KCNMB2: variants seen among roughly 807,000 people sequenced by gnomAD.
The protein encoded by KCNMB2 is calcium-activated potassium channel subunit beta-2.
A neutral mutation model predicts 24.5 loss-of-function variants in KCNMB2; 9 were observed. The ratio of observed to expected loss-of-function variants is 0.37; its 90% CI spans 0.22 to 0.64. The LOEUF is 0.64. Among genes scored for constraint, KCNMB2 ranks in the 30% least tolerant of loss-of-function variants. The pLI, the probability that KCNMB2 is intolerant of heterozygous loss-of-function variation, is 0.63. For synonymous variants in KCNMB2, 109 were observed against 104.4 expected, an observed-to-expected ratio of 1.04 and a Z score of -0.27; for missense variants, 226 against 284.3, an observed-to-expected ratio of 0.79 and a Z score of 1.47.
At chr3:178,665,638 T>C (rs1720691543) in intron 1 of KCNMB2, among the ~76,000 whole-genome samples, 1 of 152,164 alleles carries the variant, frequency 6.6e-6, no homozygotes, top group African/African-American at 2.4e-5. Flanking sequence ...TATTATAATC[T>C]GACATATGAG....
intron 1 of KCNMB2, among the ~76,000 whole-genome samples, chr3:178,622,298 A>C (rs1718951942): frequency 6.6e-6 from 1 of 152,206 alleles, no homozygotes; most frequent in Non-Finnish European, 1.5e-5. Flanking sequence ...TGAATTAATG[A>C]ATGGACAAAT....
chr3:178,754,163 T>TAGATAG (rs1553773731), intron 1 of KCNMB2, among the ~76,000 whole-genome samples: 21 of 102,356 alleles, frequency 2.1e-4, no homozygotes, highest in Non-Finnish European at 3.3e-4. Context: ...TATATATATA[T>TAGATAG]ATATATATAT....
At chr3:178,656,794 A>G (rs1243869650) in intron 1 of KCNMB2, among the ~76,000 whole-genome samples, 4 of 152,012 alleles carry the variant, frequency 2.6e-5, no homozygotes, top group Non-Finnish European at 2.9e-5. Flanking sequence ...AAATAAAGGA[A>G]TGCTGTACTC....
At chr3:178,732,835 C>T (rs1015826486) in intron 1 of KCNMB2, among the ~76,000 whole-genome samples, 4 of 152,150 alleles carry the variant, frequency 2.6e-5, no homozygotes, top group Non-Finnish European at 5.9e-5. Context: ...GTTTAGTACT[C>T]GCTGGCTCAG....
intron 4 of KCNMB2, among the ~76,000 whole-genome samples, chr3:178,836,274 T>C (rs943776402): frequency 2.2e-4 from 33 of 152,194 alleles, no homozygotes; most frequent in African/African-American, 7.7e-4. Context: ...CTGTCCATCA[T>C]GACAATAAAA....
chr3:178,761,970 G>GGAA (rs1480152864), intron 1 of KCNMB2, among the ~76,000 whole-genome samples: 24 of 152,130 alleles, frequency 1.6e-4, no homozygotes, highest in African/African-American at 5.8e-4. Flanking sequence ...AGGAAATCAA[G>GGAA]ACCATCCTGG....
chr3:178,702,827 C>T (rs1262658870), intron 1 of KCNMB2, among the ~76,000 whole-genome samples: 1 of 152,186 alleles, frequency 6.6e-6, no homozygotes, highest in African/African-American at 2.4e-5. Flanking sequence ...CTAAAAGCAT[C>T]TAGTCCCACT....
At chr3:178,622,582 G>A (rs1718961972) in intron 1 of KCNMB2, among the ~76,000 whole-genome samples, 1 of 152,220 alleles carries the variant, frequency 6.6e-6, no homozygotes, top group South Asian at 2.1e-4. Flanking sequence ...ACCCAGATGA[G>A]AGTCACCACA....
chr3:178,640,714 A>G (rs1719693767), intron 1 of KCNMB2, among the ~76,000 whole-genome samples: 1 of 152,160 alleles, frequency 6.6e-6, no homozygotes, highest in Non-Finnish European at 1.5e-5. Flanking sequence ...AGTTCAACTT[A>G]TTGGTTTTTC....
At chr3:178,749,545 AATCT>A (rs1353574451) in intron 1 of KCNMB2, among the ~76,000 whole-genome samples, 1 of 152,260 alleles carries the variant, frequency 6.6e-6, no homozygotes, top group Admixed American at 6.5e-5. Flanking sequence ...GAGAAAATTT[AATCT>A]AGATACTGTT....
intron 1 of KCNMB2, among the ~76,000 whole-genome samples, chr3:178,733,935 T>C (rs1342785797): frequency 6.6e-6 from 1 of 151,890 alleles, no homozygotes; most frequent in African/African-American, 2.4e-5. Flanking sequence ...GTGGAGGAGG[T>C]GAAAAGTGAT....
intron 1 of KCNMB2, among the ~76,000 whole-genome samples, chr3:178,706,056 G>A (rs1722267850): frequency 6.6e-6 from 1 of 152,214 alleles, no homozygotes; most frequent in East Asian, 1.9e-4. Flanking sequence ...ATTTTGTCTT[G>A]TCGGAGCTCA....
In KCNMB2 at chr3:178,814,273, T is replaced by A. The variant is rs142322435; in HGVS notation, c.56+6808T>A. On this transcript the variant is annotated intron_variant, in intron 2 of 4. Transcript: ENST00000452583. ...AGTATTTGGTTTTCGGTTTCTGTGT[T>A]AATTCACTTAGGGTAACAGCCTCCC... Among the ~76,000 whole-genome samples, 692 of 152,300 alleles carry A rather than the reference T, an allele frequency of 4.5e-3. 10 individuals are homozygous for A. Among genetic ancestry groups the A allele is most frequent in the African/African-American group, 0.016 (647 of 41,558 alleles).
At chr3:178,837,065 G>A (rs983037775) in intron 4 of KCNMB2, among the ~76,000 whole-genome samples, 5 of 152,126 alleles carry the variant, frequency 3.3e-5, no homozygotes, top group Admixed American at 1.3e-4. Context: ...GGCTCCTAGT[G>A]TAGAATTCAG....
At chr3:178,716,468 G>T (rs1722622638) in intron 1 of KCNMB2, among the ~76,000 whole-genome samples, 1 of 143,482 alleles carries the variant, frequency 7.0e-6, no homozygotes. Flanking sequence ...TTTTGAGATG[G>T]AATCTTGCTC....
At chr3:178,598,731 G>A (rs1001667894) in intron 1 of KCNMB2, among the ~76,000 whole-genome samples, 45 of 151,926 alleles carry the variant, frequency 3.0e-4, no homozygotes, top group African/African-American at 9.9e-4. Flanking sequence ...CGTGACCAGG[G>A]ACCTCATTTG....
At chr3:178,758,039 T>TCCAAGAGG (rs1383033955) in intron 1 of KCNMB2, among the ~76,000 whole-genome samples, 1 of 1,586 alleles carries the variant, frequency 6.3e-4, no homozygotes, top group Non-Finnish European at 1.8e-3. Context: ...TATATATATA[T>TCCAAGAGG]ATCTAGATAT....
At chr3:178,810,100 A>G (rs974101668) in intron 2 of KCNMB2, among the ~76,000 whole-genome samples, 1 of 151,926 alleles carries the variant, frequency 6.6e-6, no homozygotes, top group Non-Finnish European at 1.5e-5. Context: ...ACTGACTTTG[A>G]GCAGTATCTG....
intron 1 of KCNMB2, among the ~76,000 whole-genome samples, chr3:178,670,765 AG>A (rs1276568335): frequency 1.3e-5 from 2 of 152,120 alleles, no homozygotes; most frequent in African/African-American, 2.4e-5. Context: ...GAGGCAGCTC[AG>A]TGTTCTTTAT....
Sources: allele counts gnomAD v4.1 joint callset (sites outside exome capture counted in the v4.1 genomes callset), GRCh38; gene constraint gnomAD v4.1.1; transcripts MANE v1.5; gene names NCBI Gene and HGNC (gene_info 2026-07-23, HGNC 2026-07-21).